The following ADGB variants were observed in gnomAD, a reference collection of about 807,000 sequenced individuals.
ADGB encodes androglobin, also known as calpain-7-like protein.
A neutral mutation model predicts 210.5 loss-of-function variants in ADGB; 172 were observed. The observed-to-expected ratio is 0.82, with a 90% CI of 0.72 to 0.93. The LOEUF is 0.93. ADGB is among the 40% of genes least tolerant of loss of function. The probability of loss-of-function intolerance (pLI) is 0.00; values close to 1 mark genes in which losing one functional copy is unlikely to be tolerated. For missense variants in ADGB, 2,025 were observed against 1,964.8 expected, an observed-to-expected ratio of 1.03 and a Z score of -0.58; for synonymous variants, 658 against 662.7, an observed-to-expected ratio of 0.99 and a Z score of 0.11.
At chr6:146,642,990 A>G (rs928044517) in intron 2 of ADGB, among the ~76,000 whole-genome samples, 6 of 151,930 alleles carry the variant, frequency 3.9e-5, no homozygotes, top group African/African-American at 1.4e-4. Flanking sequence ...GGAGAAATCA[A>G]ATAATAGAAA....
chr6:146,693,937 T>C lies in ADGB; in HGVS notation c.1577+1022T>C, dbSNP rs1430980745. The stretch of plus-strand genomic sequence containing the variant: ...CATTTGAGACCTCATCAAAATGGCC[T>C]TTACTATCCATATTTCTACCAGAAT... On this transcript the variant is annotated intron_variant, in intron 12 of 35. Transcript: ENST00000397944. Among the ~76,000 whole-genome samples the C allele has an allele frequency of 2.6e-5, 4 of 152,146 alleles. No homozygotes were observed. The East Asian group carries it at 5.8e-4, about 22-fold the overall frequency.
intron 29 of ADGB, among the ~76,000 whole-genome samples, chr6:146,780,325 T>TA: frequency 6.6e-6 from 1 of 151,976 alleles, no homozygotes; most frequent in East Asian, 1.9e-4. Context: ...TAAGAAATAA[T>TA]AAAAAGGCAG....
chr6:146,758,310 G>A (rs1464043282), intron 27 of ADGB, among the ~76,000 whole-genome samples: 1 of 151,908 alleles, frequency 6.6e-6, no homozygotes, highest in Non-Finnish European at 1.5e-5. Context: ...GTTCACAGAG[G>A]GAACTCAATT....
intron 27 of ADGB, 118 bp from the exon 28 acceptor site, chr6:146,763,782 TA>T (rs1777534082): frequency 3.2e-6 from 3 of 940,030 alleles, no homozygotes; most frequent in Non-Finnish European, 4.6e-6. Flanking sequence ...TTTATCTCAC[TA>T]AAACAAAAGA....
rs1335129494 is a variant in ADGB, at chr6:146,647,106, A to AAC, written c.330+2242_330+2243insCA. ...CCTGTCTCAAAAAAAAACAAAAAAC[A>AAC]AAAAACAAAAAACAAACAAACAAAC... On this transcript the variant is annotated intron_variant, in intron 3 of 35. Transcript: ENST00000397944. Among the ~76,000 whole-genome samples, 75 of 134,596 alleles carry AAC rather than the reference A, an allele frequency of 5.6e-4. 1 individual carries two copies. The South Asian group carries it at 0.015, about 28-fold the overall frequency. The allele number at this position is 134,596 out of a possible 152,430, so 88.3% of individuals were successfully genotyped here. A position where few individuals can be genotyped will look rare whatever the true frequency, so the allele number is the denominator to read the frequency against.
intron 9 of ADGB, 114 bp downstream of exon 9, chr6:146,676,555 C>T (rs980240249): frequency 1.5e-5 from 15 of 1,031,572 alleles, no homozygotes; most frequent in Non-Finnish European, 1.9e-5. Context: ...TAAACTTAGT[C>T]AAGGTTGCCA....
At chr6:146,670,505 G>A (rs1402287102) in intron 7 of ADGB, among the ~76,000 whole-genome samples, 2 of 152,116 alleles carry the variant, frequency 1.3e-5, no homozygotes, top group African/African-American at 4.8e-5. Context: ...ACCTAGCTGG[G>A]TATGTCACAA....
Position 146,815,129 on chromosome 6 carries a change from C to G in ADGB, c.4916C>G (p.Ala1639Gly). The G allele has an allele frequency of 6.5e-7, 1 of 1,548,204 alleles. No individual in the cohort carries two copies. The change falls in exon 36 of 36, where the codon GCT becomes GGT. Residue 1639 changes from alanine (A) to glycine (G), a missense_variant. Ala to Gly is a moderately conservative substitution (Grantham distance 60, BLOSUM62 0). Coordinates refer to ENST00000397944, the MANE Select transcript of ADGB (RefSeq NM_024694.4). ...GAGCACCTAAAGCTGGAAACTCTGG[C>G]TGCTCAGGAAGCAGCCATGAAGCTG... The part of the protein sequence containing the change: ...EAEHLKLETL[A>G]AQEAAMKLET...
intron 12 of ADGB, among the ~76,000 whole-genome samples, chr6:146,698,723 G>GT (rs1216860940): frequency 1.3e-5 from 2 of 151,936 alleles, no homozygotes; most frequent in Non-Finnish European, 2.9e-5. Context: ...AATAAATCTA[G>GT]TTTTTTTCTC....
chr6:146,691,105 C>T lies in ADGB; in HGVS notation c.1312-11C>T. On this transcript the variant is annotated splice_polypyrimidine_tract_variant and intron_variant, in intron 10 of 35. Transcript: ENST00000397944. ...AGGAGAATGCTTTTCAATTTACTTTCCATCTTCTAGGCAGATTCTGCTGAG... is the reference window on the plus strand; with the variant it reads ...AGGAGAATGCTTTTCAATTTACTTTTCATCTTCTAGGCAGATTCTGCTGAG... 6.6e-7 allele frequency: 1 copy of T among 1,504,212 alleles called. No homozygotes were observed. The highest frequency in any genetic ancestry group is 8.9e-7 in the Non-Finnish European group (1 of 1,127,102). The allele number at this position is 1,504,212 out of a possible 1,614,324, so 93.2% of individuals were successfully genotyped here. A position where few individuals can be genotyped will look rare whatever the true frequency, so the allele number is the denominator to read the frequency against.
chr6:146,690,566 A>G (rs73788795), intron 10 of ADGB, among the ~76,000 whole-genome samples: 2,439 of 152,278 alleles, frequency 0.016, 27 homozygotes, highest in African/African-American at 0.036. Context: ...ATCTAACACT[A>G]GAATATGAGA....
intron 1 of ADGB, among the ~76,000 whole-genome samples, chr6:146,602,850 A>T (rs9403793): frequency 0.43 from 65,469 of 152,082 alleles, 17,323 homozygotes; most frequent in Non-Finnish European, 0.57. Flanking sequence ...CAAGGGATCT[A>T]GGTTGTGTGA....
chr6:146,724,356 T>A (rs769878003), intron 18 of ADGB, 29 bp downstream of exon 18: 3 of 1,487,846 alleles, frequency 2.0e-6, no homozygotes, highest in Non-Finnish European at 1.8e-6. Flanking sequence ...TTTCCCATAA[T>A]AAAAATTGTT....
intron 35 of ADGB, among the ~76,000 whole-genome samples, chr6:146,810,206 G>A (rs1778284310): frequency 6.6e-6 from 1 of 152,104 alleles, no homozygotes; most frequent in Admixed American, 6.6e-5. Context: ...TATATGCAAA[G>A]GTACTCAGCA....
intron 5 of ADGB, among the ~76,000 whole-genome samples, 160 bp downstream of exon 5, chr6:146,657,140 C>T (rs1775795868): frequency 6.6e-6 from 1 of 152,100 alleles, no homozygotes; most frequent in Non-Finnish European, 1.5e-5. Flanking sequence ...GCCTGGGCAA[C>T]ATGGTGAAAT....
chr6:146,693,901 T>C (rs905801486), intron 12 of ADGB, among the ~76,000 whole-genome samples: 1 of 152,108 alleles, frequency 6.6e-6, no homozygotes, highest in Non-Finnish European at 1.5e-5. Flanking sequence ...CAATAACATG[T>C]TCCTAATTTC....
chr6:146,809,798 T>C (rs1406939105), intron 35 of ADGB, among the ~76,000 whole-genome samples: 3 of 152,166 alleles, frequency 2.0e-5, no homozygotes, highest in African/African-American at 4.8e-5. Context: ...CCCTATGCTA[T>C]ACAAAAAAAT....
At chr6:146,718,785 C>A (rs73573702) in intron 16 of ADGB, among the ~76,000 whole-genome samples, 1 of 152,070 alleles carries the variant, frequency 6.6e-6, no homozygotes, top group Non-Finnish European at 1.5e-5. Flanking sequence ...CAGATGAAAA[C>A]GGGCAGAGAA....
chr6:146,654,272 C>A, intron 4 of ADGB, 66 bp downstream of exon 4: 2 of 1,095,946 alleles, frequency 1.8e-6, no homozygotes, highest in Non-Finnish European at 2.6e-6. Context: ...TAAACCATTC[C>A]CAGACAGTCG....
Sources: allele counts gnomAD v4.1 joint callset (sites outside exome capture counted in the v4.1 genomes callset), GRCh38; gene constraint gnomAD v4.1.1; transcripts MANE v1.5; gene names NCBI Gene and HGNC (gene_info 2026-07-23, HGNC 2026-07-21).